The following FTCD variants were observed in gnomAD, a reference collection of about 807,000 sequenced individuals.
FTCD encodes the protein formimidoyltransferase cyclodeaminase.
A neutral mutation model predicts 62.9 loss-of-function variants in FTCD; 76 were observed. The observed-to-expected ratio is 1.21, with a 90% CI of 1.00 to 1.46. The LOEUF is 1.46. Ranked by LOEUF, FTCD falls within the 40% of genes most tolerant of loss-of-function variation. The pLI, the probability that FTCD is intolerant of heterozygous loss-of-function variation, is 0.00. For synonymous variants in FTCD, 397 were observed against 336.9 expected (o/e 1.18, Z -1.95); for missense variants, 845 against 751.3 (o/e 1.12, Z -1.46).
At chr21:46,148,618 CAAAAG>C (rs1468353661) in intron 7 of FTCD, among the ~76,000 whole-genome samples, 4 of 152,180 alleles carry the variant, frequency 2.6e-5, no homozygotes, top group Admixed American at 2.6e-4. Flanking sequence ...GACCCTGTCT[CAAAAG>C]AAGTAACAAA....
At position 46,155,495 on chromosome 21, in the gene FTCD, T is replaced by C; in HGVS notation, c.29A>G (p.Asn10Ser). The C allele has an allele frequency of 3.7e-6, 6 of 1,612,986 alleles. No individual in the cohort carries two copies. Among genetic ancestry groups the C allele is most frequent in the Non-Finnish European group, 5.1e-6 (6 of 1,179,904 alleles). Residue 10 changes from asparagine to serine, a missense_variant, in exon 1 of 14, where the codon AAC (asparagine) becomes AGC (serine). Coordinates refer to ENST00000397746, the MANE Select transcript of FTCD (RefSeq NM_206965.2). The stretch of plus-strand genomic sequence containing the variant: ...CTCCTGGTTCTTCCCCTCCGAAAAG[T>C]TGGGGACGCATTCCACCAGCTGGGA... The part of the protein sequence containing the change: MSQLVECVP[N>S]FSEGKNQEVI...
intron 1 of FTCD, among the ~76,000 whole-genome samples, chr21:46,155,046 G>A (rs1556340): frequency 0.35 from 53,430 of 152,060 alleles, 9,668 homozygotes; most frequent in Admixed American, 0.48. Context: ...GCAGGGTGGG[G>A]GCTCAGCAAG....
chr21:46,146,501 G>C, intron 7 of FTCD, 174 bp from the exon 8 acceptor site: 1 of 620,890 alleles, frequency 1.6e-6, no homozygotes, highest in Non-Finnish European at 2.9e-6. Context: ...GCCCCGCCAG[G>C]AGCCCTGTGG....
chr21:46,138,396 G>A lies in FTCD; in HGVS notation c.1443+112C>T, dbSNP rs1420175572. 4.8e-6 allele frequency: 5 copies of A among 1,032,282 alleles called. No individual in the cohort carries two copies. In the Admixed American group the frequency reaches 8.4e-5, roughly 17 times the overall value. The allele number at this position is 1,032,282 out of a possible 1,614,324, so 63.9% of individuals were successfully genotyped here. On this transcript the variant is annotated intron_variant, in intron 12 of 13. Coordinates refer to ENST00000397746, the MANE Select transcript of FTCD (RefSeq NM_206965.2). ...GCCCCGGGAACTGCCCGTGAAGTGA[G>A]GTCTCCCTACCTGGCTCAGCCCAGC...
intron 10 of FTCD, among the ~76,000 whole-genome samples, chr21:46,143,994 A>T (rs978496839): frequency 2.4e-4 from 36 of 152,138 alleles, no homozygotes; most frequent in African/African-American, 8.5e-4. Context: ...TAGCAAACTT[A>T]GTAAAAGTAT....
chr21:46,153,054 G>A lies in FTCD; in HGVS notation c.239-19C>T. On this transcript the variant is annotated intron_variant, in intron 2 of 13. Coordinates refer to ENST00000397746, the MANE Select transcript of FTCD (RefSeq NM_206965.2). ...TGCTCTCCTGCAGAGAGACGGCGAG[G>A]CCGGGCAGGAGGCCAGGTGTGGGAG... The A allele has an allele frequency of 6.5e-7, 1 of 1,543,620 alleles. No individual in the cohort carries two copies. The highest frequency in any genetic ancestry group is 1.2e-5 in the South Asian group (1 of 83,842).
At chr21:46,144,920 G>C (rs2079106614) in intron 10 of FTCD, among the ~76,000 whole-genome samples, 1 of 151,382 alleles carries the variant, frequency 6.6e-6, no homozygotes, top group Non-Finnish European at 1.5e-5. Context: ...CGTTTGGAGG[G>C]AGGTGGGGTC....
rs1568982952 is a variant in FTCD, at chr21:46,151,931, C to CG, written c.416dup (p.Ala140GlyfsTer12). The stretch of plus-strand genomic sequence containing the variant: ...CCTCGTACTCCCCGGCCCGGATGGC[C>CG]GGCAGGGTCCGGCGACTGTCCATCC... On this transcript the variant is annotated frameshift_variant, in exon 4 of 14. Coordinates refer to ENST00000397746, the MANE Select transcript of FTCD (RefSeq NM_206965.2). LOFTEE classifies it high-confidence loss of function. 6.4e-7 allele frequency: 1 copy of CG among 1,572,158 alleles called. No individual in the cohort carries two copies. Among genetic ancestry groups the CG allele is most frequent in the South Asian group, 1.2e-5 (1 of 86,262 alleles).
At chr21:46,150,992 G>A (rs919412622) in intron 5 of FTCD, among the ~76,000 whole-genome samples, 3 of 152,260 alleles carry the variant, frequency 2.0e-5, no homozygotes, top group Non-Finnish European at 4.4e-5. Flanking sequence ...CTGTGCTTTT[G>A]TGCTGAGTCT....
downstream of FTCD, chr21:46,136,681 G>A: frequency 1.2e-5 from 17 of 1,464,260 alleles, no homozygotes; most frequent in Non-Finnish European, 1.5e-5. Flanking sequence ...CTCCAACCCT[G>A]GCTCCCATGG....
chr21:46,147,993 C>G (rs1004407489), intron 7 of FTCD, among the ~76,000 whole-genome samples: 2 of 150,756 alleles, frequency 1.3e-5, no homozygotes, highest in Non-Finnish European at 3.0e-5. Flanking sequence ...GGAAAGCAGA[C>G]GGGGCCTCAC....
chr21:46,138,424 A>G, intron 12 of FTCD, 84 bp downstream of exon 12: 1 of 1,375,888 alleles, frequency 7.3e-7, no homozygotes, highest in Non-Finnish European at 1.0e-6. Flanking sequence ...AGCCCAGCCA[A>G]CCACCGTGCT....
chr21:46,146,291 A>G lies in FTCD; in HGVS notation c.943T>C (p.Phe315Leu). The change falls in exon 8 of 14, where the codon TTC (phenylalanine) becomes CTC (leucine). Residue 315 changes from phenylalanine (F) to leucine (L), a missense_variant. Transcript: ENST00000397746. Reference sequence around the variant, plus strand: ...TCGATGATCCGCTCCTTAGGGCTGAAGGGGCACAGGGAGTCCAGGCCCAGC... The same window carrying G: ...TCGATGATCCGCTCCTTAGGGCTGAGGGGGCACAGGGAGTCCAGGCCCAGC... The part of the protein sequence containing the change: ...SRLGLDSLCP[F>L]SPKERIIEYL... The G allele has an allele frequency of 6.2e-7, 1 of 1,605,502 alleles. No homozygotes were observed. The highest frequency in any genetic ancestry group is 8.5e-7 in the Non-Finnish European group (1 of 1,176,014).
intron 2 of FTCD, among the ~76,000 whole-genome samples, chr21:46,153,276 G>T (rs746301113): frequency 1.3e-5 from 2 of 152,170 alleles, no homozygotes; most frequent in Admixed American, 6.5e-5. Context: ...CAGCCAGTGT[G>T]GGGGAGGTCC....
intron 1 of FTCD, among the ~76,000 whole-genome samples, chr21:46,154,931 C>T (rs373085906): frequency 1.6e-4 from 24 of 152,226 alleles, no homozygotes; most frequent in Non-Finnish European, 2.8e-4. Context: ...CGTTTGTTCC[C>T]GGAGGAGCCT....
Position 46,145,830 on chromosome 21 carries a change from G to GACCCC in FTCD, c.1085_1086insGGGGT (p.Ala363GlyfsTer17), listed in dbSNP as rs1568973732. The GACCCC allele has an allele frequency of 2.5e-6, 2 of 808,688 alleles. No homozygotes were observed. Among genetic ancestry groups the GACCCC allele is most frequent in the East Asian group, 3.7e-4 (2 of 5,466 alleles). The allele number at this position is 808,688 out of a possible 1,614,324, so 50.1% of individuals were successfully genotyped here. ...CCCCCGCGCTCACCATGGCCGCAGC[G>GACCCC]GCCGCCGCCACCGAGCCGCCCCCGG... On this transcript the variant is annotated frameshift_variant, in exon 9 of 14. Coordinates refer to ENST00000397746, the MANE Select transcript of FTCD (RefSeq NM_206965.2). LOFTEE classifies it high-confidence loss of function.
chr21:46,146,200 G>T, intron 8 of FTCD, 66 bp downstream of exon 8: 1 of 1,145,772 alleles, frequency 8.7e-7, no homozygotes, highest in East Asian at 2.5e-5. Context: ...GGACCCCAGC[G>T]CCCCGCAAGG....
chr21:46,146,791 C>T, intron 7 of FTCD: 1 of 172,792 alleles, frequency 5.8e-6, no homozygotes, highest in Admixed American at 5.8e-5. Context: ...TGAGTTTTAC[C>T]TAAATTCAAA....
intron 10 of FTCD, among the ~76,000 whole-genome samples, chr21:46,139,416 C>T (rs1161190265): frequency 1.3e-5 from 2 of 151,412 alleles, no homozygotes; most frequent in Admixed American, 6.6e-5. Context: ...TAGCTCACGG[C>T]GTCACCGTAA....
Sources: gnomAD v4.1 joint callset for allele counts (sites outside exome capture counted in the v4.1 genomes callset) on GRCh38, gnomAD v4.1.1 for gene constraint, MANE v1.5 for transcripts, NCBI Gene and HGNC (gene_info 2026-07-23, HGNC 2026-07-21) for gene names.